MYO16: variants seen among roughly 807,000 people sequenced by gnomAD.
MYO16 encodes unconventional myosin-XVI.
Under a neutral mutation model 205.3 loss-of-function variants are expected in MYO16, and 94 were observed. The observed-to-expected ratio is 0.46, with a 90% CI of 0.39 to 0.54. The LOEUF (loss-of-function observed/expected upper bound fraction) is 0.54. Ranked by LOEUF, MYO16 falls within the 20% of genes least tolerant of loss-of-function variation. The pLI is 0.00. For missense variants in MYO16, 2,315 were observed against 2,387.5 expected, an observed-to-expected ratio of 0.97 and a Z score of 0.63; for synonymous variants, 988 against 954.0, an observed-to-expected ratio of 1.04 and a Z score of -0.66.
chr13:108,959,920 A>G (rs1339451384), intron 17 of MYO16, among the ~76,000 whole-genome samples: 2 of 151,852 alleles, frequency 1.3e-5, no homozygotes, highest in South Asian at 4.2e-4. Context: ...CTGTCTATCC[A>G]GAGGTGCCTA....
rs193191457 is a variant in MYO16 at position 108,659,411 on chromosome 13, A to T, written c.29-6475A>T. 695 of 424,650 alleles carry T rather than the reference A, an allele frequency of 1.6e-3. 5 individuals are homozygous for T. The highest frequency in any genetic ancestry group is 0.011 in the African/African-American group (557 of 48,468). 26.3% of individuals were successfully genotyped at this position (424,650 alleles called of 1,614,324 possible). The stretch of plus-strand genomic sequence containing the variant: ...CAGATATTTCCTGGCTTTCAAGTTT[A>T]GTCCTACAGAGGTACGCACTCGCTG... On this transcript the variant is annotated intron_variant, in intron 1 of 34. Transcript: ENST00000457511.
intron 27 of MYO16, among the ~76,000 whole-genome samples, chr13:109,099,858 T>G (rs1045626955): frequency 1.3e-5 from 2 of 152,198 alleles, no homozygotes; most frequent in African/African-American, 4.8e-5. Context: ...AATAAACTCA[T>G]TTTAGAAGAT....
At chr13:108,906,700 A>G (rs1880994969) in intron 15 of MYO16, among the ~76,000 whole-genome samples, 1 of 152,230 alleles carries the variant, frequency 6.6e-6, no homozygotes, top group South Asian at 2.1e-4. Context: ...TTAGAAGGAC[A>G]CTAGAATAGT....
intron 23 of MYO16, among the ~76,000 whole-genome samples, chr13:109,041,971 T>A (rs1419021532): frequency 2.6e-5 from 4 of 151,978 alleles, no homozygotes; most frequent in African/African-American, 9.7e-5. Flanking sequence ...TTCAAGCGAT[T>A]CTCCTGCCTC....
intron 12 of MYO16, among the ~76,000 whole-genome samples, chr13:108,880,150 T>C (rs1051842506): frequency 1.2e-4 from 19 of 152,264 alleles, no homozygotes; most frequent in African/African-American, 4.6e-4. Context: ...GTTGGCTGCA[T>C]AAATGTCTTC....
At chr13:108,904,762 C>T (rs548003160) in intron 15 of MYO16, among the ~76,000 whole-genome samples, 26 of 152,272 alleles carry the variant, frequency 1.7e-4, no homozygotes, top group African/African-American at 6.3e-4. Flanking sequence ...AACACCCACT[C>T]TCATCCTGTT....
intron 2 of MYO16, among the ~76,000 whole-genome samples, chr13:108,690,505 A>G (rs890630117): frequency 2.8e-5 from 4 of 145,182 alleles, no homozygotes; most frequent in Admixed American, 7.1e-5. Context: ...AGCTGTATTC[A>G]TAAGTTTAAC....
intron 4 of MYO16, among the ~76,000 whole-genome samples, chr13:108,734,027 A>G (rs1445271950): frequency 6.6e-6 from 1 of 152,250 alleles, no homozygotes; most frequent in Non-Finnish European, 1.5e-5. Context: ...TGTGTTCTAT[A>G]GAGTCATTAT....
At chr13:109,016,189 C>A (rs1885809743) in intron 22 of MYO16, among the ~76,000 whole-genome samples, 1 of 152,156 alleles carries the variant, frequency 6.6e-6, no homozygotes, top group African/African-American at 2.4e-5. Context: ...TTTCAAAGAA[C>A]ATCTTTATTT....
intron 2 of MYO16, among the ~76,000 whole-genome samples, chr13:108,699,921 C>G (rs542397617): frequency 6.6e-6 from 1 of 152,168 alleles, no homozygotes; most frequent in African/African-American, 2.4e-5. Context: ...GGAGACTGCT[C>G]CTGGAGTTAC....
At chr13:108,674,667 A>T (rs1882126787) in intron 2 of MYO16, among the ~76,000 whole-genome samples, 1 of 152,194 alleles carries the variant, frequency 6.6e-6, no homozygotes, top group Non-Finnish European at 1.5e-5. Flanking sequence ...CCAAGCCTGG[A>T]TCCATATACG....
chr13:108,596,550 A>C (rs573017548), intron 1 of MYO16, among the ~76,000 whole-genome samples: 1 of 152,292 alleles, frequency 6.6e-6, no homozygotes, highest in Admixed American at 6.5e-5. Context: ...AAAGACAGAC[A>C]AAAAAAGTGA....
intron 34 of MYO16, among the ~76,000 whole-genome samples, chr13:109,196,799 C>T (rs1183858418): frequency 6.6e-6 from 1 of 152,202 alleles, no homozygotes; most frequent in African/African-American, 2.4e-5. Flanking sequence ...CATTACAGAA[C>T]TGCAAGTGGC....
At chr13:108,697,056 C>A (rs561155718) in intron 2 of MYO16, among the ~76,000 whole-genome samples, 1 of 151,622 alleles carries the variant, frequency 6.6e-6, no homozygotes, top group East Asian at 1.9e-4. Context: ...TCTGGCAGGG[C>A]AAACTTTGCT....
intron 32 of MYO16, among the ~76,000 whole-genome samples, chr13:109,159,764 C>A (rs1878280170): frequency 6.6e-6 from 1 of 152,226 alleles, no homozygotes; most frequent in African/African-American, 2.4e-5. Flanking sequence ...CTGCCATGCC[C>A]TGCTGGACGC....
At chr13:108,630,377 T>C (rs548683425) in intron 1 of MYO16, among the ~76,000 whole-genome samples, 34 of 152,342 alleles carry the variant, frequency 2.2e-4, no homozygotes, top group Non-Finnish European at 4.3e-4. Context: ...TCATTCACCT[T>C]GCGGTGCTTA....
intron 27 of MYO16, among the ~76,000 whole-genome samples, chr13:109,063,315 C>T (rs1287547789): frequency 1.3e-5 from 2 of 152,096 alleles, no homozygotes; most frequent in East Asian, 1.9e-4. Flanking sequence ...TTGTGTAATA[C>T]AGCTTCAGAG....
chr13:108,855,432 T>C lies in MYO16; in HGVS notation c.1249-11T>C, dbSNP rs762287199. The stretch of plus-strand genomic sequence containing the variant: ...CAATTAGAATTGATCATACTTTCGG[T>C]TCTTCCCCAGGTCAAGCTAATGCCT... On this transcript the variant is annotated splice_polypyrimidine_tract_variant and intron_variant, in intron 10 of 34. Transcript: ENST00000457511. 7 of 1,531,510 alleles carry C rather than the reference T, an allele frequency of 4.6e-6. No homozygotes were observed. The African/African-American group carries it at 8.2e-5, about 18-fold the overall frequency. 94.9% of individuals were successfully genotyped at this position (1,531,510 alleles called of 1,614,324 possible).
chr13:108,869,760 A>AAAG (rs71204889), intron 12 of MYO16, among the ~76,000 whole-genome samples: 1 of 141,074 alleles, frequency 7.1e-6, no homozygotes, highest in Non-Finnish European at 1.5e-5. Flanking sequence ...AAAAAAAAAA[A>AAAG]GAAACCACAC....
Sources: allele counts gnomAD v4.1 joint callset (sites outside exome capture counted in the v4.1 genomes callset), GRCh38; gene constraint gnomAD v4.1.1; transcripts MANE v1.5; gene names NCBI Gene and HGNC (gene_info 2026-07-23, HGNC 2026-07-21).